SLIT2: variants seen among roughly 807,000 people sequenced by gnomAD.
SLIT2 encodes slit homolog 2 protein.
A neutral mutation model predicts 185.7 loss-of-function variants in SLIT2; 41 were observed. The ratio of observed to expected loss-of-function variants is 0.22; its 90% CI spans 0.17 to 0.29. The LOEUF is 0.29. SLIT2 is among the 10% of genes least tolerant of loss of function. The probability of loss-of-function intolerance (pLI) is 1.00; values close to 1 mark genes in which losing one functional copy is unlikely to be tolerated. For missense variants in SLIT2, 1,571 were observed against 1,909.0 expected (o/e 0.82, Z 3.30); for synonymous variants, 693 against 680.2 (o/e 1.02, Z -0.29).
chr4:20,397,517 C>T (rs150570922), intron 4 of SLIT2, among the ~76,000 whole-genome samples: 151 of 151,802 alleles, frequency 9.9e-4, no homozygotes, highest in African/African-American at 3.0e-3. Flanking sequence ...GGGAATGCTG[C>T]GTTGTTTTCA....
At chr4:20,434,043 T>A (rs1429270187) in intron 4 of SLIT2, among the ~76,000 whole-genome samples, 6 of 152,212 alleles carry the variant, frequency 3.9e-5, no homozygotes, top group African/African-American at 1.4e-4. Context: ...TAAAGCTTTG[T>A]GTCCCATTTG....
At chr4:20,485,099 C>T (rs1717086768) in intron 6 of SLIT2, among the ~76,000 whole-genome samples, 1 of 152,126 alleles carries the variant, frequency 6.6e-6, no homozygotes, top group Admixed American at 6.6e-5. Flanking sequence ...GTCAACACCT[C>T]AATGTGTACC....
At chr4:20,503,669 A>G (rs1396311354) in intron 9 of SLIT2, among the ~76,000 whole-genome samples, 1 of 152,168 alleles carries the variant, frequency 6.6e-6, no homozygotes, top group East Asian at 1.9e-4. Flanking sequence ...ACACTTAGTC[A>G]AAAGGTGCAC....
chr4:20,302,720 C>G (rs896658172), intron 4 of SLIT2, among the ~76,000 whole-genome samples: 1 of 152,112 alleles, frequency 6.6e-6, no homozygotes, highest in African/African-American at 2.4e-5. Context: ...GGAGAGTAAT[C>G]GATTGGAGGA....
chr4:20,605,713 A>T (rs1408685319), intron 33 of SLIT2, among the ~76,000 whole-genome samples: 1 of 131,940 alleles, frequency 7.6e-6, no homozygotes, highest in Admixed American at 7.4e-5. Flanking sequence ...TTTATTTTAT[A>T]TTTTATTTTA....
rs1173991615 is a variant in SLIT2, at chr4:20,472,556, A to C, written c.467+4733A>C. ...TAGATATATCTATATCTATATATAG[A>C]TATATATCTATATATAGATATATCT... On this transcript the variant is annotated intron_variant, in intron 5 of 36. Coordinates refer to ENST00000504154, the MANE Select transcript of SLIT2 (RefSeq NM_004787.4). Among the ~76,000 whole-genome samples, 4 of 20,316 alleles carry C rather than the reference A, an allele frequency of 2.0e-4. 1 individual carries two copies. Among genetic ancestry groups the C allele is most frequent in the South Asian group, 4.6e-3 (2 of 432 alleles). The allele number at this position is 20,316 out of a possible 152,430, so 13.3% of individuals were successfully genotyped here.
chr4:20,471,380 C>T (rs1227983862), intron 5 of SLIT2, among the ~76,000 whole-genome samples: 1 of 152,054 alleles, frequency 6.6e-6, no homozygotes, highest in Non-Finnish European at 1.5e-5. Flanking sequence ...ATCGTCATGG[C>T]TCAATACATT....
At chr4:20,293,037 A>AG (rs961654941) in intron 4 of SLIT2, among the ~76,000 whole-genome samples, 2 of 152,188 alleles carry the variant, frequency 1.3e-5, no homozygotes, top group African/African-American at 4.8e-5. Flanking sequence ...GATGAGAGGG[A>AG]GAAAAAAAAG....
At chr4:20,472,515 GATATATATCTAT>G (rs1320775084) in intron 5 of SLIT2, among the ~76,000 whole-genome samples, 1 of 9,266 alleles carries the variant, frequency 1.1e-4, no homozygotes, top group Admixed American at 2.1e-3. Context: ...TATATAGATA[GATATATATCTAT>G]ATATAGATAT....
At chr4:20,277,634 G>A (rs1714297198) in intron 4 of SLIT2, among the ~76,000 whole-genome samples, 1 of 150,924 alleles carries the variant, frequency 6.6e-6, no homozygotes, top group Non-Finnish European at 1.5e-5. Context: ...CTGCCTCAAT[G>A]TAGGTATTCA....
intron 4 of SLIT2, among the ~76,000 whole-genome samples, chr4:20,273,623 G>A (rs1395927953): frequency 1.3e-5 from 2 of 152,108 alleles, no homozygotes; most frequent in African/African-American, 4.8e-5. Context: ...AAACATTGAA[G>A]TGTTTCAGTA....
chr4:20,570,532 C>T (rs1725483373), intron 29 of SLIT2, among the ~76,000 whole-genome samples: 1 of 151,550 alleles, frequency 6.6e-6, no homozygotes, highest in Non-Finnish European at 1.5e-5. Flanking sequence ...AATCTGCTAC[C>T]TGGTACCTTC....
At position 20,510,484 on chromosome 4, in the gene SLIT2, T is replaced by C. The variant is rs756388709; in HGVS notation, c.915-11T>C. The stretch of plus-strand genomic sequence containing the variant: ...ATTTCCATTTAAAAGTTGAATTTTT[T>C]TTCATTGCAGACGTTTGGAACAGAA... On this transcript the variant is annotated splice_polypyrimidine_tract_variant and intron_variant, in intron 9 of 36. Transcript: ENST00000504154. 1.3e-6 allele frequency: 2 copies of C among 1,595,492 alleles called. No homozygotes were observed. The highest frequency in any genetic ancestry group is 1.7e-6 in the Non-Finnish European group (2 of 1,164,156).
chr4:20,445,298 G>A (rs974765563), intron 4 of SLIT2, among the ~76,000 whole-genome samples: 12 of 152,072 alleles, frequency 7.9e-5, no homozygotes, highest in Non-Finnish European at 1.8e-4. Context: ...TTTCTTACAT[G>A]AGCATCATAT....
At chr4:20,300,833 T>C (rs1339716611) in intron 4 of SLIT2, among the ~76,000 whole-genome samples, 1 of 152,134 alleles carries the variant, frequency 6.6e-6, no homozygotes, top group Non-Finnish European at 1.5e-5. Flanking sequence ...TTGTTTCTGC[T>C]AGAGCTTCGT....
At chr4:20,455,156 AG>A (rs1430014506) in intron 4 of SLIT2, among the ~76,000 whole-genome samples, 1 of 152,136 alleles carries the variant, frequency 6.6e-6, no homozygotes, top group Admixed American at 6.5e-5. Context: ...TTTTGAAAAC[AG>A]TTTTTTCTCA....
rs1053062286 is a variant in SLIT2 at position 20,442,392 on chromosome 4, C to G, written c.396-25360C>G. On this transcript the variant is annotated intron_variant, in intron 4 of 36. Transcript: ENST00000504154. ...CAAAAAAATTAGCTAGGTGTGGTGGCGGGCGCCTGTAGTCCCAGCTACTTG... is the reference window on the plus strand; with the variant it reads ...CAAAAAAATTAGCTAGGTGTGGTGGGGGGCGCCTGTAGTCCCAGCTACTTG... Among the ~76,000 whole-genome samples the G allele has an allele frequency of 2.0e-5, 3 of 151,960 alleles. No individual in the cohort carries two copies. In the East Asian group the frequency reaches 5.8e-4, roughly 29 times the overall value.
chr4:20,545,711 A>G (rs1723188173), intron 21 of SLIT2, among the ~76,000 whole-genome samples: 1 of 152,082 alleles, frequency 6.6e-6, no homozygotes, highest in Non-Finnish European at 1.5e-5. Context: ...ATTTCATGGT[A>G]TTGTGTCCAC....
intron 5 of SLIT2, among the ~76,000 whole-genome samples, chr4:20,478,445 A>G (rs1227789405): frequency 6.6e-6 from 1 of 152,214 alleles, no homozygotes; most frequent in Admixed American, 6.5e-5. Flanking sequence ...TTCCAGCAGC[A>G]TCTCAACTTC....
Sources: gnomAD v4.1 joint callset for allele counts (sites outside exome capture counted in the v4.1 genomes callset) on GRCh38, gnomAD v4.1.1 for gene constraint, MANE v1.5 for transcripts, NCBI Gene and HGNC (gene_info 2026-07-23, HGNC 2026-07-21) for gene names.